The following NLGN4X variants were observed in gnomAD, a reference collection of about 807,000 sequenced individuals.
NLGN4X encodes neuroligin-4, X-linked.
In NLGN4X, 3 loss-of-function variants were observed where a neutral mutation model predicts 40.3. The ratio of observed to expected loss-of-function variants is 0.07; its 90% CI spans 0.03 to 0.19. The LOEUF (loss-of-function observed/expected upper bound fraction) is 0.19. NLGN4X is among the 10% of genes least tolerant of loss of function. NLGN4X has a pLI of 1.00. For synonymous variants in NLGN4X, 270 were observed against 306.8 expected, an observed-to-expected ratio of 0.88 and a Z score of 1.25; for missense variants, 382 against 708.3, an observed-to-expected ratio of 0.54 and a Z score of 5.23.
chrX:6,112,566 CT>C (rs778748423), intron 2 of NLGN4X, among the ~76,000 whole-genome samples: 1,648 of 87,135 alleles, frequency 0.019, 49 homozygotes, highest in Admixed American at 0.099. Context: ...TCCCCGCTTT[CT>C]TTTTTTTTTT....
rs1436468548 is a variant in NLGN4X at position 5,892,356 on chromosome X, CTCTT to C, written c.*457_*460del. ...CATGTGCTGGGCAAAATCTCATTGA[CTCTT>C]TCTTCACTTAAGGAGAGCCATCCAT... is the stretch of plus-strand genomic sequence containing the variant. On this transcript the variant is annotated 3_prime_UTR_variant, in exon 6 of 6. Transcript: ENST00000381095. The C allele has an allele frequency of 2.3e-5, 4 of 177,004 alleles. No individual in the cohort carries two copies. Among genetic ancestry groups the C allele is most frequent in the Non-Finnish European group, 4.2e-5 (4 of 94,858 alleles). 14.6% of individuals were successfully genotyped at this position (177,004 alleles called of 1,213,427 possible).
At chrX:5,943,410 C>T (rs1435357459) in intron 3 of NLGN4X, among the ~76,000 whole-genome samples, 5 of 111,744 alleles carry the variant, frequency 4.5e-5, no homozygotes, top group African/African-American at 6.5e-5. Flanking sequence ...GAAGAGAAAC[C>T]ATCCGAGCTA....
chrX:6,206,215 A>G (rs1489720957), intron 1 of NLGN4X, among the ~76,000 whole-genome samples: 1 of 111,367 alleles, frequency 9.0e-6, no homozygotes, highest in Admixed American at 9.5e-5. Context: ...TCTGGAAGAC[A>G]AGTGTGGCTG....
intron 3 of NLGN4X, among the ~76,000 whole-genome samples, chrX:5,956,126 A>G (rs2034485635): frequency 9.2e-6 from 1 of 108,555 alleles, no homozygotes; most frequent in Non-Finnish European, 1.9e-5. Flanking sequence ...GAAATTAAAT[A>G]TAGATAATAT....
At chrX:6,085,604 C>T (rs936396443) in intron 2 of NLGN4X, among the ~76,000 whole-genome samples, 1 of 112,333 alleles carries the variant, frequency 8.9e-6, no homozygotes, top group Non-Finnish European at 1.9e-5. Flanking sequence ...ATGCCTTTGC[C>T]TTGAATTCTC....
chrX:6,098,670 G>T (rs187179363), intron 2 of NLGN4X, among the ~76,000 whole-genome samples: 2 of 111,520 alleles, frequency 1.8e-5, no homozygotes, highest in African/African-American at 6.5e-5. Context: ...CCCCATTGCC[G>T]CTGTTCTCAA....
intron 3 of NLGN4X, among the ~76,000 whole-genome samples, chrX:6,019,761 A>G (rs770076040): frequency 4.5e-5 from 5 of 111,912 alleles, no homozygotes; most frequent in African/African-American, 6.5e-5. Context: ...GAGAAGCAAA[A>G]TGAAGAAAAC....
At chrX:6,121,149 TACACACACACACAC>T (rs35061904) in intron 2 of NLGN4X, among the ~76,000 whole-genome samples, 1 of 102,483 alleles carries the variant, frequency 9.8e-6, no homozygotes, top group Admixed American at 1.1e-4. Flanking sequence ...TATATATACA[TACACACACACACAC>T]ACACACACAC....
At chrX:5,997,199 A>C (rs2035842024) in intron 3 of NLGN4X, among the ~76,000 whole-genome samples, 1 of 107,311 alleles carries the variant, frequency 9.3e-6, no homozygotes, top group Non-Finnish European at 1.9e-5. Context: ...TGTAATACAA[A>C]TATGTATATA....
At chrX:5,897,538 C>T (rs1315093831) in intron 5 of NLGN4X, among the ~76,000 whole-genome samples, 2 of 112,052 alleles carry the variant, frequency 1.8e-5, no homozygotes, top group Non-Finnish European at 3.8e-5. Context: ...GGTTCTCTTC[C>T]AGCATGATTT....
chrX:5,909,646 TG>T (rs113524335), intron 3 of NLGN4X, among the ~76,000 whole-genome samples: 1,067 of 73,529 alleles, frequency 0.015, 8 homozygotes, highest in Non-Finnish European at 0.022. Flanking sequence ...AGTACGTGTG[TG>T]GGGGGGGGAG....
At chrX:6,201,249 A>T (rs892824080) in intron 1 of NLGN4X, among the ~76,000 whole-genome samples, 2 of 112,208 alleles carry the variant, frequency 1.8e-5, no homozygotes, top group African/African-American at 6.5e-5. Flanking sequence ...ATGGGAAAAT[A>T]ACAGTATTCC....
intron 1 of NLGN4X, among the ~76,000 whole-genome samples, chrX:6,174,076 CAAAACAA>C (rs1332310388): frequency 9.1e-6 from 1 of 109,747 alleles, no homozygotes; most frequent in Non-Finnish European, 1.9e-5. Flanking sequence ...CAAAACAAAA[CAAAACAA>C]AAAACAAAAA....
At chrX:6,045,180 GA>G (rs2037287352) in intron 2 of NLGN4X, among the ~76,000 whole-genome samples, 1 of 112,067 alleles carries the variant, frequency 8.9e-6, no homozygotes, top group Non-Finnish European at 1.9e-5. Context: ...TGCATCTACT[GA>G]AAATCAATAT....
chrX:6,081,376 C>A (rs1343996075), intron 2 of NLGN4X, among the ~76,000 whole-genome samples: 1 of 112,228 alleles, frequency 8.9e-6, no homozygotes, highest in Non-Finnish European at 1.9e-5. Context: ...CCTAGCCTCC[C>A]AAAGTGCTGG....
intron 1 of NLGN4X, among the ~76,000 whole-genome samples, chrX:6,174,747 C>T (rs758330489): frequency 4.0e-4 from 44 of 111,272 alleles, no homozygotes; most frequent in African/African-American, 1.4e-3. Flanking sequence ...TGAGAAAACA[C>T]GGAAATAAAG....
chrX:5,964,094 G>A (rs977254144), intron 3 of NLGN4X, among the ~76,000 whole-genome samples: 1 of 111,730 alleles, frequency 9.0e-6, no homozygotes, highest in Non-Finnish European at 1.9e-5. Flanking sequence ...CTTGAGGAAG[G>A]TGTAAAGACT....
intron 2 of NLGN4X, among the ~76,000 whole-genome samples, chrX:6,105,073 T>A (rs1242702167): frequency 9.0e-6 from 1 of 110,979 alleles, no homozygotes; most frequent in Non-Finnish European, 1.9e-5. Context: ...CTCCTTTTTT[T>A]TTTTTGAGAT....
intron 3 of NLGN4X, among the ~76,000 whole-genome samples, chrX:5,922,408 A>AGATCT (rs2033106669): frequency 8.9e-6 from 1 of 112,052 alleles, no homozygotes; most frequent in African/African-American, 3.2e-5. Flanking sequence ...CTAATTACTT[A>AGATCT]GATCTGATCA....
Sources: gnomAD v4.1 joint callset for allele counts (sites outside exome capture counted in the v4.1 genomes callset) on GRCh38, gnomAD v4.1.1 for gene constraint, MANE v1.5 for transcripts, NCBI Gene and HGNC (gene_info 2026-07-23, HGNC 2026-07-21) for gene names.